The following NTNG1 variants were observed in gnomAD, a reference collection of about 807,000 sequenced individuals.
NTNG1 encodes netrin-G1.
Under a neutral mutation model 54.0 loss-of-function variants are expected in NTNG1, and 16 were observed. That is an observed-to-expected ratio of 0.30 (90% confidence interval 0.20 to 0.45). NTNG1 has a LOEUF of 0.45. NTNG1 is among the 20% of genes least tolerant of loss of function. NTNG1 has a pLI of 1.00. For missense variants in NTNG1, 530 were observed against 678.7 expected (o/e 0.78, Z 2.43); for synonymous variants, 255 against 263.1 (o/e 0.97, Z 0.30).
intron 1 of NTNG1, among the ~76,000 whole-genome samples, chr1:107,146,707 A>G (rs562586561): frequency 6.6e-6 from 1 of 152,206 alleles, no homozygotes; most frequent in South Asian, 2.1e-4. Context: ...CTGTATGATA[A>G]CATTTTATGA....
At chr1:107,146,145 A>T (rs1008491162) in intron 1 of NTNG1, among the ~76,000 whole-genome samples, 1 of 152,104 alleles carries the variant, frequency 6.6e-6, no homozygotes, top group Admixed American at 6.5e-5. Flanking sequence ...AAAAATAAAC[A>T]CACAATGCTC....
chr1:107,475,165 TACTG>T (rs527741669), intron 7 of NTNG1, among the ~76,000 whole-genome samples: 14 of 152,316 alleles, frequency 9.2e-5, no homozygotes, highest in East Asian at 1.9e-4. Flanking sequence ...GCTGCAAATC[TACTG>T]ACTATCTATA....
chr1:107,426,798 C>T (rs1286849999), intron 5 of NTNG1, among the ~76,000 whole-genome samples: 1 of 151,938 alleles, frequency 6.6e-6, no homozygotes, highest in Non-Finnish European at 1.5e-5. Flanking sequence ...AATATTAATT[C>T]TTTCAACCCA....
chr1:107,340,381 A>AT (rs1668834682), intron 3 of NTNG1, among the ~76,000 whole-genome samples: 1 of 152,046 alleles, frequency 6.6e-6, no homozygotes, highest in Non-Finnish European at 1.5e-5. Context: ...GAAAGGCTCA[A>AT]TTTTCAATGC....
intron 6 of NTNG1, among the ~76,000 whole-genome samples, chr1:107,435,160 T>C (rs1160390405): frequency 6.6e-6 from 1 of 152,110 alleles, no homozygotes; most frequent in Non-Finnish European, 1.5e-5. Flanking sequence ...TATTGTCAAC[T>C]TACACACTTT....
chr1:107,326,865 A>T (rs1462332582), intron 3 of NTNG1, among the ~76,000 whole-genome samples: 1 of 152,112 alleles, frequency 6.6e-6, no homozygotes, highest in Non-Finnish European at 1.5e-5. Flanking sequence ...AGAAAGTGTA[A>T]AATAAACTTG....
At chr1:107,237,170 A>C (rs1661469852) in intron 2 of NTNG1, among the ~76,000 whole-genome samples, 1 of 152,168 alleles carries the variant, frequency 6.6e-6, no homozygotes, top group South Asian at 2.1e-4. Flanking sequence ...GAGATGAGGA[A>C]CTTGTTGGGA....
chr1:107,304,048 C>T (rs974124689), intron 2 of NTNG1, among the ~76,000 whole-genome samples: 20 of 151,872 alleles, frequency 1.3e-4, no homozygotes, highest in African/African-American at 4.8e-4. Context: ...TTGCAGAATT[C>T]TCTAGTAAAA....
chr1:107,333,275 C>T (rs557324556), intron 3 of NTNG1, among the ~76,000 whole-genome samples: 1 of 152,002 alleles, frequency 6.6e-6, no homozygotes, highest in East Asian at 1.9e-4. Context: ...AATTCTTTGT[C>T]AGCTCAGAAT....
Position 107,430,832 on chromosome 1 carries a change from C to A in NTNG1, c.1170C>A (p.Asn390Lys). The A allele has an allele frequency of 6.2e-7, 1 of 1,613,276 alleles. No individual in the cohort carries two copies. The highest frequency in any genetic ancestry group is 8.5e-7 in the Non-Finnish European group (1 of 1,179,592). Residue 390 changes from asparagine to lysine, a missense_variant, in exon 6 of 8, where the codon AAC becomes AAA. Physicochemically the swap from Asn to Lys is moderately conservative, Grantham distance 94 (BLOSUM62 0). Coordinates refer to ENST00000370068, the MANE Select transcript of NTNG1 (RefSeq NM_001113226.3). ...TCATTTGCGTGAGCTGTAAACACAA[C>A]ACTAGAGGGCAGCACTGTGAGTTAT... ...NTVICVSCKH[N>K]TRGQHCELCR...
At chr1:107,300,618 G>C (rs1666258570) in intron 2 of NTNG1, among the ~76,000 whole-genome samples, 1 of 152,210 alleles carries the variant, frequency 6.6e-6, no homozygotes, top group Non-Finnish European at 1.5e-5. Flanking sequence ...AGAAGGAGCA[G>C]TGAGATCTGT....
intron 2 of NTNG1, among the ~76,000 whole-genome samples, chr1:107,173,541 A>G (rs894496374): frequency 8.5e-5 from 13 of 152,164 alleles, no homozygotes; most frequent in Admixed American, 7.9e-4. Flanking sequence ...GGAATCCTTC[A>G]ATAATGCTCA....
intron 3 of NTNG1, among the ~76,000 whole-genome samples, chr1:107,337,543 T>C (rs756432126): frequency 1.3e-5 from 2 of 152,016 alleles, no homozygotes; most frequent in Non-Finnish European, 2.9e-5. Context: ...ATGATGATGA[T>C]GGTTGCACAA....
chr1:107,176,326 A>T lies in NTNG1; in HGVS notation c.246+27487A>T, dbSNP rs190053165. Among the ~76,000 whole-genome samples, 668 of 152,328 alleles carry T rather than the reference A, an allele frequency of 4.4e-3. 5 individuals are homozygous for T. Among genetic ancestry groups the T allele is most frequent in the African/African-American group, 0.015 (643 of 41,582 alleles). On this transcript the variant is annotated intron_variant, in intron 2 of 7. Transcript: ENST00000370068. ...TACATTGTTTATTTCTGAAATTAAA[A>T]TAAAAATATGCATTTTCATAGACAT... is the stretch of plus-strand genomic sequence containing the variant.
chr1:107,311,590 T>A (rs1485613672), intron 2 of NTNG1, among the ~76,000 whole-genome samples: 4 of 152,156 alleles, frequency 2.6e-5, no homozygotes, highest in African/African-American at 9.7e-5. Context: ...AATGGTTAGT[T>A]CTTTAAGCTT....
chr1:107,375,618 T>C (rs1049539827), intron 3 of NTNG1, among the ~76,000 whole-genome samples: 5 of 152,254 alleles, frequency 3.3e-5, no homozygotes, highest in African/African-American at 7.2e-5. Flanking sequence ...TATATTATTA[T>C]GTTTTAGTCA....
intron 1 of NTNG1, 157 bp downstream of exon 1, chr1:107,141,297 TG>T (rs1212313877): frequency 2.7e-5 from 4 of 150,134 alleles, no homozygotes; most frequent in Non-Finnish European, 4.4e-5. Flanking sequence ...CGCTCCCGCC[TG>T]GGGAGGAGGC....
chr1:107,207,547 A>C (rs542867198), intron 2 of NTNG1, among the ~76,000 whole-genome samples: 1 of 152,352 alleles, frequency 6.6e-6, no homozygotes, highest in East Asian at 1.9e-4. Context: ...CTTCTGCTAC[A>C]GAAAGTAAAG....
intron 3 of NTNG1, among the ~76,000 whole-genome samples, chr1:107,375,962 G>C (rs1419086395): frequency 6.6e-6 from 1 of 152,092 alleles, no homozygotes; most frequent in Non-Finnish European, 1.5e-5. Flanking sequence ...GACTAGTCAG[G>C]ACATTTAATT....
Sources: gnomAD v4.1 joint callset for allele counts (sites outside exome capture counted in the v4.1 genomes callset) on GRCh38, gnomAD v4.1.1 for gene constraint, MANE v1.5 for transcripts, NCBI Gene and HGNC (gene_info 2026-07-23, HGNC 2026-07-21) for gene names.